Variants in CYP2A7 observed in about 807,000 individuals in gnomAD.
The protein encoded by CYP2A7 is cytochrome P450 2A7.
Under a neutral mutation model 42.0 loss-of-function variants are expected in CYP2A7, and 36 were observed. The observed-to-expected ratio is 0.86, with a 90% CI of 0.66 to 1.13. The LOEUF is 1.13. CYP2A7 is among the 50% of genes most tolerant of loss of function. The pLI is 0.00. For missense variants in CYP2A7, 661 were observed against 634.1 expected (o/e 1.04, Z -0.46); for synonymous variants, 260 against 249.5 (o/e 1.04, Z -0.40).
chr19:40,880,063 G>T, intron 4 of CYP2A7, 21 bp downstream of exon 4: 1 of 1,611,052 alleles, frequency 6.2e-7, no homozygotes, highest in Non-Finnish European at 8.5e-7. Flanking sequence ...GGGCGTCACG[G>T]GCCGGGCTGC....
Position 40,881,544 on chromosome 19 carries a change from A to G in CYP2A7, c.343+45T>C, listed in dbSNP as rs112641143. On this transcript the variant is annotated intron_variant, in intron 2 of 8. Transcript: ENST00000301146. ...GGAGAAGGCTGGCAACACTGAGACC[A>G]TCGTGTCCGCCTGGCCACCTTCCCC... 1.6e-3 allele frequency: 2,606 copies of G among 1,606,638 alleles called. 58 individuals are homozygous for G. In the African/African-American group the frequency reaches 0.031, roughly 19 times the overall value.
chr19:40,878,284 T>C (rs3956338), intron 5 of CYP2A7, among the ~76,000 whole-genome samples: 6 of 151,818 alleles, frequency 4.0e-5, no homozygotes, highest in South Asian at 2.1e-4. Context: ...TTGCACAGGC[T>C]GGACTCGAAC....
At position 40,882,031 on chromosome 19, in the gene CYP2A7, C is replaced by G; in HGVS notation, c.180G>C (p.Lys60Asn). The G allele has an allele frequency of 6.2e-7, 1 of 1,612,428 alleles. No homozygotes were observed. Residue 60 changes from lysine (K) to asparagine (N), a missense_variant and splice_region_variant, in exon 1 of 9, where the codon AAG becomes AAC. Coordinates refer to ENST00000301146, the MANE Select transcript of CYP2A7 (RefSeq NM_000764.3). ...CACCCATCTTCCTGCCTTGGGACAC[C>G]TTCATGATGGAGTCACATATGTGCT... ...NTEHICDSIM[K>N]FSECYGPVFT...
In CYP2A7 at chr19:40,876,621, G is replaced by A. The variant is rs150758805; in HGVS notation, c.1209C>T (p.Ser403=). The change falls in exon 8 of 9, where the codon AGC becomes AGT. Residue 403 remains serine, a synonymous_variant. Transcript: ENST00000301146. ...TGAAGTCCTGAGGGTTGGAGAAGAAGCTGGGGTCTCTCAGCACGGAGCCCA... is the reference window on the plus strand; with the variant it reads ...TGAAGTCCTGAGGGTTGGAGAAGAAACTGGGGTCTCTCAGCACGGAGCCCA... The part of the protein sequence containing the change: ...PMLGSVLRDP[S]FFSNPQDFNP... 73 of 1,612,338 alleles carry A rather than the reference G, an allele frequency of 4.5e-5. 1 individual carries two copies. Among genetic ancestry groups the A allele is most frequent in the South Asian group, 3.8e-4 (35 of 90,988 alleles).
At chr19:40,876,958 T>C (rs749514479) in intron 7 of CYP2A7, 3 of 654,620 alleles carry the variant, frequency 4.6e-6, no homozygotes, top group East Asian at 2.8e-5. Context: ...TTTCTTAAGA[T>C]AGGAAGTTTT....
Position 40,876,600 on chromosome 19 carries a change from G to T in CYP2A7, c.1230C>A (p.Asp410Glu). ...RDPSFFSNPQ[D>E]FNPQHFLDDK... is the part of the protein sequence containing the mutation. ...CATCCAGGAAATGCTGGGGATTGAAGTCCTGAGGGTTGGAGAAGAAGCTGG... is the reference window on the plus strand; with the variant it reads ...CATCCAGGAAATGCTGGGGATTGAATTCCTGAGGGTTGGAGAAGAAGCTGG... Residue 410 changes from aspartate (D) to glutamate (E), a missense_variant, in exon 8 of 9, where the codon GAC becomes GAA. Asp to Glu is a conservative substitution (Grantham distance 45). Coordinates refer to ENST00000301146, the MANE Select transcript of CYP2A7 (RefSeq NM_000764.3). The T allele has an allele frequency of 6.2e-7, 1 of 1,613,158 alleles. No individual in the cohort carries two copies. The highest frequency in any genetic ancestry group is 1.1e-5 in the South Asian group (1 of 91,028).
At chr19:40,879,954 C>T (rs1438231807) in intron 4 of CYP2A7, 130 bp downstream of exon 4, 2 of 1,463,268 alleles carry the variant, frequency 1.4e-6, no homozygotes, top group Non-Finnish European at 1.9e-6. Context: ...TCCAGTTGTC[C>T]AATATCGGGG....
chr19:40,876,263 A>G, intron 8 of CYP2A7: 1 of 610,912 alleles, frequency 1.6e-6, no homozygotes, highest in South Asian at 2.0e-5. Context: ...CTGTGCCGTC[A>G]TCTCCTTTTT....
At chr19:40,879,791 C>T (rs1164023397) in intron 4 of CYP2A7, among the ~76,000 whole-genome samples, 2 of 150,838 alleles carry the variant, frequency 1.3e-5, no homozygotes. Context: ...GGGTAGGGAG[C>T]ATCTGTTAGA....
At position 40,877,194 on chromosome 19, in the gene CYP2A7, G is replaced by C. The variant is rs765264363; in HGVS notation, c.1157C>G (p.Pro386Arg). ...AGGGGGTGGGGAGGATAGCACCTTA[G>C]GGAGGAAAAAATCCCGAAACTTGGT... ...KDTKFRDFFL[P>R]KGTEVFPMLG... The change falls in exon 7 of 9, where the codon CCT (proline) becomes CGT (arginine). Residue 386 changes from proline to arginine, a missense_variant. Coordinates refer to ENST00000301146, the MANE Select transcript of CYP2A7 (RefSeq NM_000764.3). The C allele has an allele frequency of 6.2e-7, 1 of 1,612,660 alleles. No homozygotes were observed. Among genetic ancestry groups the C allele is most frequent in the African/African-American group, 1.3e-5 (1 of 74,924 alleles).
rs1161375992 is a variant in CYP2A7, at chr19:40,882,085, G to A, written c.126C>T (p.Phe42=). The change falls in exon 1 of 9, where the codon TTC becomes TTT. Residue 42 remains phenylalanine (F), a synonymous_variant. Transcript: ENST00000301146. ...TGTTCAGCTGGAGGTAGTTTCCAAT[G>A]AAGGGCAGTGGGGTGGGTCCCGGAG... ...KLPPGPTPLP[F]IGNYLQLNTE... The A allele has an allele frequency of 3.1e-6, 5 of 1,613,858 alleles. No homozygotes were observed. In the Admixed American group the frequency reaches 6.7e-5, roughly 22 times the overall value.
rs1317812644 is a variant in CYP2A7 at position 40,881,408 on chromosome 19, G to A, written c.343+181C>T. Among the ~76,000 whole-genome samples the A allele has an allele frequency of 1.3e-5, 2 of 151,602 alleles. 1 individual carries two copies. The highest frequency in any genetic ancestry group is 3.0e-5 in the Non-Finnish European group (2 of 67,790). On this transcript the variant is annotated intron_variant, in intron 2 of 8. Coordinates refer to ENST00000301146, the MANE Select transcript of CYP2A7 (RefSeq NM_000764.3). ...AGAGGCAGGGAGGAATCACGACAGG[G>A]ACGCTGGAGACAGGTGAGGGATACA...
At chr19:40,876,074 T>C (rs978599969) in intron 8 of CYP2A7, among the ~76,000 whole-genome samples, 200 bp from the exon 9 acceptor site, 16 of 151,768 alleles carry the variant, frequency 1.1e-4, no homozygotes, top group African/African-American at 3.6e-4. Flanking sequence ...CCAATATTGA[T>C]ATATTATTAC....
Position 40,880,610 on chromosome 19 carries a change from C to A in CYP2A7, c.362G>T (p.Gly121Val), listed in dbSNP as rs1336992603. The change falls in exon 3 of 9, where the codon GGG becomes GTG. Residue 121 changes from glycine to valine, a missense_variant. This residue lies in a region of CYP2A7 where 614 missense variants were observed against 552.4 expected (regional missense o/e 1.11). Transcript: ENST00000301146. ...GCGCAGGAGCTGCTTGGCGCGCTCC[C>A]CGTTGCTGAACGCCACGCCTGGGGA... ...FKGYGVAFSN[G>V]ERAKQLLRFA... The A allele has an allele frequency of 1.3e-6, 2 of 1,569,174 alleles. No individual in the cohort carries two copies. Among genetic ancestry groups the A allele is most frequent in the Admixed American group, 1.8e-5 (1 of 56,490 alleles).
At position 40,878,750 on chromosome 19, in the gene CYP2A7, T is replaced by A. The variant is rs770812961; in HGVS notation, c.831+10A>T. 3 of 1,611,298 alleles carry A rather than the reference T, an allele frequency of 1.9e-6. No homozygotes were observed. The highest frequency in any genetic ancestry group is 3.3e-4 in the Middle Eastern group (2 of 6,052). On this transcript the variant is annotated intron_variant, in intron 5 of 8. Coordinates refer to ENST00000301146, the MANE Select transcript of CYP2A7 (RefSeq NM_000764.3). Reference sequence around the variant, plus strand: ...CTTTGCACCTCCCCGCACTGGCTGCTGGGGTGTACCTCCTGCATGTGGATG... The same window carrying A: ...CTTTGCACCTCCCCGCACTGGCTGCAGGGGTGTACCTCCTGCATGTGGATG...
At chr19:40,879,819 G>T (rs550791916) in intron 4 of CYP2A7, among the ~76,000 whole-genome samples, 1 of 150,618 alleles carries the variant, frequency 6.6e-6, no homozygotes, top group Non-Finnish European at 1.5e-5. Flanking sequence ...GTAAGTTGGG[G>T]ATGGGAACAC....
Position 40,881,608 on chromosome 19 carries a change from G to A in CYP2A7, c.324C>T (p.Asp108=), listed in dbSNP as rs1418361624. Residue 108 remains aspartate, a synonymous_variant, in exon 2 of 9, where the codon GAC becomes GAT. Transcript: ENST00000301146. ...CCTCACCATAGCCTTTGAAGACCCA[G>A]TCGAAGGTGGCTTGCTCGCCTCGCC... ...FSGRGEQATF[D]WVFKGYGVAF... 10 of 1,612,100 alleles carry A rather than the reference G, an allele frequency of 6.2e-6. No individual in the cohort carries two copies. The highest frequency in any genetic ancestry group is 8.5e-7 in the Non-Finnish European group (1 of 1,179,646).
chr19:40,880,197 C>T lies in CYP2A7; in HGVS notation c.541G>A (p.Val181Ile). ...TFFLSRTVSN[V>I]ISSIVFGDRF... ...TCCCCAAAGACAATGGAGCTGATGACATTGGAGACTGTGCGGCTCAGGAAG... is the reference window on the plus strand; with the variant it reads ...TCCCCAAAGACAATGGAGCTGATGATATTGGAGACTGTGCGGCTCAGGAAG... Residue 181 changes from valine to isoleucine, a missense_variant, in exon 4 of 9, where the codon GTC (valine) becomes ATC (isoleucine). Around this residue, in one of 3 missense-constraint regions of CYP2A7, gnomAD observed 614 missense variants for 552.4 expected, o/e 1.11. Transcript: ENST00000301146. 1 of 1,612,912 alleles carries T rather than the reference C, an allele frequency of 6.2e-7. No individual in the cohort carries two copies. The highest frequency in any genetic ancestry group is 8.5e-7 in the Non-Finnish European group (1 of 1,179,244).
intron 5 of CYP2A7, 89 bp downstream of exon 5, chr19:40,878,671 A>C (rs1220575907): frequency 5.2e-6 from 8 of 1,530,786 alleles, no homozygotes; most frequent in African/African-American, 1.4e-5. Context: ...GCTAATTTGA[A>C]CGGGTCTGTG....
Sources: gnomAD v4.1 joint callset for allele counts (sites outside exome capture counted in the v4.1 genomes callset) on GRCh38, gnomAD v4.1.1 for gene constraint, gnomAD v4.1.1 regional missense constraint, MANE v1.5 for transcripts, NCBI Gene and HGNC (gene_info 2026-07-23, HGNC 2026-07-21) for gene names.